COL23A1: variants seen among roughly 807,000 people sequenced by gnomAD.
COL23A1 encodes collagen alpha-1(XXIII) chain.
Under a neutral mutation model 99.3 loss-of-function variants are expected in COL23A1, and 97 were observed. The ratio of observed to expected loss-of-function variants is 0.98; its 90% CI spans 0.83 to 1.16. COL23A1 has a LOEUF of 1.16. Among genes scored for constraint, COL23A1 ranks in the 50% most tolerant of loss-of-function variants. The pLI is 0.00. For synonymous variants in COL23A1, 320 were observed against 308.2 expected (o/e 1.04, Z -0.40); for missense variants, 762 against 757.4 (o/e 1.01, Z -0.07).
At chr5:178,355,000 G>GTGAGTGGAGATCAT (rs1425045002) in intron 2 of COL23A1, among the ~76,000 whole-genome samples, 2 of 151,504 alleles carry the variant, frequency 1.3e-5, no homozygotes, top group Non-Finnish European at 2.9e-5. Context: ...GGAGGTTGCA[G>GTGAGTGGAGATCAT]TGAGTGGAGA....
chr5:178,323,344 C>T (rs889101292), intron 2 of COL23A1, among the ~76,000 whole-genome samples: 13 of 152,216 alleles, frequency 8.5e-5, no homozygotes, highest in African/African-American at 2.6e-4. Flanking sequence ...AACTGATCTC[C>T]CTGCTCTGAT....
At chr5:178,579,320 T>G (rs895327992) in intron 1 of COL23A1, among the ~76,000 whole-genome samples, 1 of 152,224 alleles carries the variant, frequency 6.6e-6, no homozygotes, top group African/African-American at 2.4e-5. Context: ...ACAGAAACTT[T>G]GTGAGACAAG....
At chr5:178,291,237 C>T (rs115825416) in intron 3 of COL23A1, among the ~76,000 whole-genome samples, 1,572 of 152,282 alleles carry the variant, frequency 0.01, 30 homozygotes, top group African/African-American at 0.035. Context: ...AGGCAGCACC[C>T]GGCAGTCAGC....
At chr5:178,276,107 TA>T (rs1172527933) in intron 5 of COL23A1, among the ~76,000 whole-genome samples, 1 of 151,842 alleles carries the variant, frequency 6.6e-6, no homozygotes, top group African/African-American at 2.4e-5. Context: ...GGATGTGGAG[TA>T]TGGTGGCTCC....
At position 178,280,166 on chromosome 5, in the gene COL23A1, C is replaced by T; in HGVS notation, c.441+8158G>A. On this transcript the variant is annotated intron_variant, in intron 5 of 28. Transcript: ENST00000390654. The surrounding 1 kb of genome is among the most constrained non-coding windows in gnomAD (Gnocchi z 4.9). ...GAGGGCGCGCTTGACCTGCCGAAGG[C>T]TGCCTCCAGCCCTGGCGGACTCTTG... Among the ~76,000 whole-genome samples the T allele has an allele frequency of 6.6e-6, 1 of 152,392 alleles. No homozygotes were observed. The highest frequency in any genetic ancestry group is 2.1e-4 in the South Asian group (1 of 4,830).
intron 2 of COL23A1, among the ~76,000 whole-genome samples, chr5:178,406,753 A>C (rs1296696598): frequency 1.3e-5 from 2 of 152,196 alleles, no homozygotes; most frequent in East Asian, 3.8e-4. Flanking sequence ...TTGAAAACTT[A>C]AAATAATATT....
At chr5:178,358,695 GTATGTGTA>G (rs1386215257) in intron 2 of COL23A1, among the ~76,000 whole-genome samples, 19 of 144,040 alleles carry the variant, frequency 1.3e-4, no homozygotes, top group East Asian at 8.3e-4. Flanking sequence ...GTGTGTGTAT[GTATGTGTA>G]TGTGTGTATG....
At chr5:178,405,889 G>A (rs1328465275) in intron 2 of COL23A1, among the ~76,000 whole-genome samples, 2 of 152,148 alleles carry the variant, frequency 1.3e-5, no homozygotes, top group Non-Finnish European at 2.9e-5. Flanking sequence ...GATCACTTGA[G>A]GTCAGGAGTT....
intron 2 of COL23A1, among the ~76,000 whole-genome samples, chr5:178,420,965 G>C (rs377276530): frequency 1.3e-5 from 2 of 149,094 alleles, no homozygotes; most frequent in Admixed American, 6.7e-5. Flanking sequence ...TCCCTGGCGT[G>C]GGGGGGTCAC....
intron 2 of COL23A1, among the ~76,000 whole-genome samples, chr5:178,495,381 T>C (rs573742955): frequency 6.6e-6 from 1 of 152,344 alleles, no homozygotes; most frequent in African/African-American, 2.4e-5. Context: ...TAGAGGATGG[T>C]CTGACATAGC....
intron 2 of COL23A1, among the ~76,000 whole-genome samples, chr5:178,514,808 A>C (rs956475173): frequency 6.6e-6 from 1 of 152,182 alleles, no homozygotes; most frequent in Non-Finnish European, 1.5e-5. Flanking sequence ...CAGAATCCCA[A>C]TTCTTCATAG....
chr5:178,341,811 A>G (rs950683963), intron 2 of COL23A1, among the ~76,000 whole-genome samples: 4 of 151,988 alleles, frequency 2.6e-5, no homozygotes, highest in African/African-American at 9.7e-5. Flanking sequence ...CCGCCTCAGG[A>G]CCTGACCCTT....
intron 1 of COL23A1, among the ~76,000 whole-genome samples, chr5:178,584,613 G>A (rs747541243): frequency 3.3e-5 from 5 of 152,188 alleles, no homozygotes; most frequent in Non-Finnish European, 4.4e-5. Flanking sequence ...GTTGCTGCTC[G>A]GTGAGGGAAG....
At chr5:178,251,033 T>C (rs576688191) in intron 17 of COL23A1, among the ~76,000 whole-genome samples, 1 of 151,162 alleles carries the variant, frequency 6.6e-6, no homozygotes, top group African/African-American at 2.4e-5. Flanking sequence ...TAATTTTTTT[T>C]TTTTTTTGAG....
In COL23A1 at chr5:178,415,794, G is replaced by A. The variant is rs982595889; in HGVS notation, c.362-108875C>T. Among the ~76,000 whole-genome samples the A allele has an allele frequency of 6.6e-6, 1 of 152,142 alleles. No individual in the cohort carries two copies. Among genetic ancestry groups the A allele is most frequent in the African/African-American group, 2.4e-5 (1 of 41,438 alleles). On this transcript the variant is annotated intron_variant, in intron 2 of 28. Transcript: ENST00000390654. The surrounding 1 kb of genome is among the most constrained non-coding windows in gnomAD (Gnocchi z 4.6). ...TCCCAGCCTAGCGGGAGGTAGACAG[G>A]CAAACAAGAAAGACTGAAAACTCCT...
At chr5:178,425,146 G>A (rs1027299876) in intron 2 of COL23A1, among the ~76,000 whole-genome samples, 5 of 152,218 alleles carry the variant, frequency 3.3e-5, no homozygotes, top group South Asian at 4.1e-4. Flanking sequence ...GGTTGCGGCC[G>A]GTTTGGTGGC....
At chr5:178,579,786 A>C (rs546453309) in intron 1 of COL23A1, among the ~76,000 whole-genome samples, 22 of 152,286 alleles carry the variant, frequency 1.4e-4, no homozygotes, top group Non-Finnish European at 3.1e-4. Flanking sequence ...CCACGCATCC[A>C]TCACTTACAG....
chr5:178,412,657 C>T (rs59255957), intron 2 of COL23A1, among the ~76,000 whole-genome samples: 7 of 152,136 alleles, frequency 4.6e-5, no homozygotes, highest in African/African-American at 7.2e-5. Context: ...TAAAAGTGCA[C>T]GTATCACAAG....
intron 2 of COL23A1, among the ~76,000 whole-genome samples, chr5:178,530,361 C>T (rs796560446): frequency 2.0e-5 from 3 of 152,204 alleles, no homozygotes; most frequent in African/African-American, 7.2e-5. Flanking sequence ...ACCCAGGAGG[C>T]TGAGGTGGGA....
Sources: allele counts gnomAD v4.1 joint callset (sites outside exome capture counted in the v4.1 genomes callset), GRCh38; gene constraint gnomAD v4.1.1; non-coding constraint Gnocchi (gnomAD v3.1); transcripts MANE v1.5; gene names NCBI Gene and HGNC (gene_info 2026-07-23, HGNC 2026-07-21).